INO80: variants seen among roughly 807,000 people sequenced by gnomAD.
The protein encoded by INO80 is chromatin-remodeling ATPase INO80.
Under a neutral mutation model 203.4 loss-of-function variants are expected in INO80, and 20 were observed. The observed-to-expected ratio is 0.10, with a 90% CI of 0.07 to 0.14. The LOEUF (loss-of-function observed/expected upper bound fraction) is 0.14. Among genes scored for constraint, INO80 ranks in the 10% least tolerant of loss-of-function variants. INO80 has a pLI of 1.00. For synonymous variants in INO80, 726 were observed against 685.2 expected (o/e 1.06, Z -0.93); for missense variants, 1,419 against 1,914.4 (o/e 0.74, Z 4.83).
Position 40,983,770 on chromosome 15 carries a change from G to A in INO80, c.4229C>T (p.Thr1410Ile). The A allele has an allele frequency of 1.2e-6, 2 of 1,612,328 alleles. No homozygotes were observed. Among genetic ancestry groups the A allele is most frequent in the Middle Eastern group, 2.2e-4 (1 of 4,558 alleles). ...PASITGSVSD[T>I]VNGISIQEMP... ...AAGACAGCAGCAATTACCATTCACGGTATCTGAGACGGAGCCTGTTATGGA... is the reference window on the plus strand; with the variant it reads ...AAGACAGCAGCAATTACCATTCACGATATCTGAGACGGAGCCTGTTATGGA... Residue 1410 changes from threonine to isoleucine, a missense_variant, in exon 34 of 36, where the codon ACC becomes ATC. This residue lies in a region of INO80 where 214 missense variants were observed against 248.9 expected (regional missense o/e 0.86). Coordinates refer to ENST00000648947, the MANE Select transcript of INO80 (RefSeq NM_017553.3).
intron 1 of INO80, among the ~76,000 whole-genome samples, chr15:41,113,493 C>A (rs2045986146): frequency 6.6e-6 from 1 of 152,076 alleles, no homozygotes; most frequent in Non-Finnish European, 1.5e-5. Context: ...GTTTCGAACT[C>A]CTGACCTCAG....
At chr15:41,096,047 G>C in intron 2 of INO80, 119 bp from the exon 3 acceptor site, 3 of 1,409,628 alleles carry the variant, frequency 2.1e-6, no homozygotes, top group Non-Finnish European at 2.9e-6. Context: ...TTTTTTATTT[G>C]AAAGAGGCAA....
In INO80 at chr15:41,046,202, CATACATATATATATATATATATATAT is replaced by C. The variant is rs1471844225; in HGVS notation, c.2736-1153_2736-1128del. Among the ~76,000 whole-genome samples the C allele has an allele frequency of 6.3e-3, 691 of 109,474 alleles. 47 individuals are homozygous for C. Among genetic ancestry groups the C allele is most frequent in the African/African-American group, 0.015 (330 of 22,262 alleles). The allele number at this position is 109,474 out of a possible 152,430, so 71.8% of individuals were successfully genotyped here. A position where few individuals can be genotyped will look rare whatever the true frequency, so the allele number is the denominator to read the frequency against. On this transcript the variant is annotated intron_variant, in intron 23 of 35. Coordinates refer to ENST00000648947, the MANE Select transcript of INO80 (RefSeq NM_017553.3). ...CTGTGTGTGTCTCTGTGTGCGTATA[CATACATATATATATATATATATATAT>C]ATATATATATATATATATATATATA...
intron 21 of INO80, among the ~76,000 whole-genome samples, chr15:41,049,035 A>G (rs776837668): frequency 3.9e-5 from 6 of 152,244 alleles, no homozygotes; most frequent in East Asian, 1.9e-4. Flanking sequence ...CTGCAAGTAC[A>G]TATTTACAAA....
At position 40,980,086 on chromosome 15, in the gene INO80, C is replaced by G; in HGVS notation, c.*137G>C. ...TAAAAGTGCTCACACCATCCACCTG[C>G]CTGTCCTTCCCCTGCTGGACATTTC... On this transcript the variant is annotated 3_prime_UTR_variant, in exon 36 of 36. Transcript: ENST00000648947. 1 of 739,212 alleles carries G rather than the reference C, an allele frequency of 1.4e-6. No individual in the cohort carries two copies. The highest frequency in any genetic ancestry group is 1.7e-5 in the South Asian group (1 of 60,298). 45.8% of individuals were successfully genotyped at this position (739,212 alleles called of 1,614,324 possible).
At chr15:41,047,118 C>A (rs1032810012) in intron 23 of INO80, among the ~76,000 whole-genome samples, 1 of 151,868 alleles carries the variant, frequency 6.6e-6, no homozygotes, top group African/African-American at 2.4e-5. Flanking sequence ...CAGGCATGCA[C>A]CACCATGTCC....
intron 14 of INO80, among the ~76,000 whole-genome samples, chr15:41,061,186 A>G (rs1454611828): frequency 6.6e-6 from 1 of 152,116 alleles, no homozygotes; most frequent in African/African-American, 2.4e-5. Context: ...ACGCGCCTGC[A>G]GTCCCAGGAA....
intron 24 of INO80, among the ~76,000 whole-genome samples, chr15:41,044,008 G>A (rs996963902): frequency 2.0e-5 from 3 of 152,136 alleles, no homozygotes; most frequent in African/African-American, 7.2e-5. Context: ...TTATTCATAA[G>A]GAGTCACACA....
At chr15:41,050,238 CTGTGAA>C in intron 19 of INO80, 136 bp from the exon 20 acceptor site, 2 of 589,216 alleles carry the variant, frequency 3.4e-6, no homozygotes, top group South Asian at 4.8e-5. Flanking sequence ...CTCTATAAAC[CTGTGAA>C]TGTGGACAAT....
chr15:41,105,569 T>G (rs1411992724), intron 1 of INO80, among the ~76,000 whole-genome samples: 1 of 152,156 alleles, frequency 6.6e-6, no homozygotes, highest in Non-Finnish European at 1.5e-5. Flanking sequence ...CCCACAAGAT[T>G]AAGTACTCCA....
chr15:41,071,756 C>T, intron 12 of INO80, 93 bp downstream of exon 12: 1 of 1,190,484 alleles, frequency 8.4e-7, no homozygotes, highest in African/African-American at 1.5e-5. Flanking sequence ...CCACCGCGCT[C>T]AGCCAGATCT....
intron 29 of INO80, among the ~76,000 whole-genome samples, chr15:40,989,814 C>A (rs1194039561): frequency 6.6e-6 from 1 of 152,210 alleles, no homozygotes; most frequent in African/African-American, 2.4e-5. Context: ...CAAATATGCC[C>A]TTTCCCTTTA....
chr15:41,027,813 T>C, intron 24 of INO80, 77 bp from the exon 25 acceptor site: 1 of 1,130,836 alleles, frequency 8.8e-7, no homozygotes, highest in Non-Finnish European at 1.2e-6. Context: ...AAGCCACATA[T>C]TAAACATCTA....
intron 22 of INO80, 75 bp from the exon 23 acceptor site, chr15:41,047,576 T>G: frequency 9.6e-7 from 1 of 1,041,278 alleles, no homozygotes; most frequent in Non-Finnish European, 1.4e-6. Flanking sequence ...GCTCAACTGC[T>G]GAGTTTTGAC....
intron 24 of INO80, among the ~76,000 whole-genome samples, chr15:41,038,650 C>T (rs2044619169): frequency 6.6e-6 from 1 of 152,180 alleles, no homozygotes; most frequent in Non-Finnish European, 1.5e-5. Context: ...CATATCCAAA[C>T]TGATCAAAGT....
At position 41,085,527 on chromosome 15, in the gene INO80, C is replaced by T; in HGVS notation, c.715G>A (p.Glu239Lys). 1 of 1,614,180 alleles carries T rather than the reference C, an allele frequency of 6.2e-7. No homozygotes were observed. The highest frequency in any genetic ancestry group is 8.5e-7 in the Non-Finnish European group (1 of 1,180,028). The change falls in exon 7 of 36, where the codon GAA becomes AAA. Residue 239 changes from glutamate (E) to lysine (K), a missense_variant. Physicochemically the swap from Glu to Lys is moderately conservative, Grantham distance 56 (BLOSUM62 1). This residue lies in a region of INO80 where 323 missense variants were observed against 325.4 expected (regional missense o/e 0.99). Transcript: ENST00000648947. ...RRRDEELSSE[E>K]SPRRHHHQTK... Reference sequence around the variant, plus strand: ...TGGTGGTGATGGCGACGAGGGGATTCTTCAGAGGAAAGTTCTTCATCTCTT... The same window carrying T: ...TGGTGGTGATGGCGACGAGGGGATTTTTCAGAGGAAAGTTCTTCATCTCTT...
chr15:41,113,993 G>T (rs187107993), intron 1 of INO80, among the ~76,000 whole-genome samples: 12 of 152,306 alleles, frequency 7.9e-5, no homozygotes, highest in Non-Finnish European at 7.4e-5. Context: ...ATTCAGCCGG[G>T]CACGGTGGCT....
intron 29 of INO80, among the ~76,000 whole-genome samples, chr15:40,992,933 C>T (rs1444112970): frequency 1.3e-5 from 2 of 152,208 alleles, no homozygotes. Flanking sequence ...TCTGGGATCA[C>T]AGGCATGTGC....
chr15:40,984,364 C>G lies in INO80; in HGVS notation c.3922-12G>C. On this transcript the variant is annotated splice_polypyrimidine_tract_variant and intron_variant, in intron 32 of 35. Transcript: ENST00000648947. ...TCTTCTTTTTTCTTCTGGGAACACA[C>G]GGATAAATATGGAAAACGTGTGAGG... 6.2e-7 allele frequency: 1 copy of G among 1,612,230 alleles called. No homozygotes were observed. Among genetic ancestry groups the G allele is most frequent in the Admixed American group, 1.7e-5 (1 of 59,952 alleles).
Sources: gnomAD v4.1 joint callset for allele counts (sites outside exome capture counted in the v4.1 genomes callset) on GRCh38, gnomAD v4.1.1 for gene constraint, gnomAD v4.1.1 regional missense constraint, MANE v1.5 for transcripts, NCBI Gene and HGNC (gene_info 2026-07-23, HGNC 2026-07-21) for gene names.